Variants in N4BP2L2 observed in about 807,000 individuals in gnomAD.
N4BP2L2 encodes NEDD4 binding protein 2 like 2.
N4BP2L2 carries 50 observed loss-of-function variants against 56.2 expected under a neutral mutation model. The observed-to-expected ratio is 0.89, with a 90% CI of 0.71 to 1.13. N4BP2L2 has a LOEUF of 1.13. N4BP2L2 is among the 50% of genes most tolerant of loss of function. N4BP2L2 has a pLI of 0.00. For missense variants in N4BP2L2, 689 were observed against 693.8 expected (o/e 0.99, Z 0.08); for synonymous variants, 203 against 223.6 (o/e 0.91, Z 0.82).
At chr13:32,517,883 T>A (rs747208402) in exon 6 of N4BP2L2, 2 of 1,613,982 alleles carry the variant, frequency 1.2e-6, no homozygotes, top group South Asian at 1.1e-5. Flanking sequence ...GAGGAGGAGG[T>A]CTTTGTGTGC....
At chr13:32,513,796 A>G (rs1201084144) in exon 6 of N4BP2L2, 1 of 152,202 alleles carries the variant, frequency 6.6e-6, no homozygotes, top group African/African-American at 2.4e-5. Context: ...AGCCCTTATT[A>G]GTTATTGTAT....
intron 2 of N4BP2L2, among the ~76,000 whole-genome samples, chr13:32,533,469 C>G (rs1475494045): frequency 1.3e-5 from 2 of 151,674 alleles, no homozygotes; most frequent in Admixed American, 1.3e-4. Context: ...TGAATTCTAT[C>G]CAACTGCCTA....
At chr13:32,518,940 T>C (rs2049983715) in intron 5 of N4BP2L2, among the ~76,000 whole-genome samples, 1 of 152,228 alleles carries the variant, frequency 6.6e-6, no homozygotes, top group South Asian at 2.1e-4. Flanking sequence ...CCCTCATAGT[T>C]TTCTGTAACT....
chr13:32,511,680 A>T (rs1364412110), exon 6 of N4BP2L2: 1 of 152,206 alleles, frequency 6.6e-6, no homozygotes, highest in Non-Finnish European at 1.5e-5. Context: ...TACAGGAGGG[A>T]AAAAGATATT....
intron 6 of N4BP2L2, among the ~76,000 whole-genome samples, chr13:32,492,259 C>T (rs1219259089): frequency 1.4e-5 from 2 of 146,144 alleles, no homozygotes; most frequent in African/African-American, 5.1e-5. Context: ...TTCTACACAT[C>T]CCAAAACACC....
chr13:32,498,057 C>T (rs2089163813), intron 6 of N4BP2L2, among the ~76,000 whole-genome samples: 1 of 152,128 alleles, frequency 6.6e-6, no homozygotes, highest in African/African-American at 2.4e-5. Context: ...ATGATCTCAG[C>T]TCATTTCAAC....
At chr13:32,480,854 C>G (rs767937472) in intron 6 of N4BP2L2, among the ~76,000 whole-genome samples, 3 of 151,962 alleles carry the variant, frequency 2.0e-5, no homozygotes, top group Non-Finnish European at 4.4e-5. Flanking sequence ...CACGGTGACT[C>G]ACACCTATAA....
At chr13:32,475,417 A>C (rs926728243) in intron 6 of N4BP2L2, among the ~76,000 whole-genome samples, 1 of 152,202 alleles carries the variant, frequency 6.6e-6, no homozygotes, top group Non-Finnish European at 1.5e-5. Context: ...CTCCAAACAG[A>C]AAAAGGATTG....
chr13:32,442,830 A>G, exon 7 of N4BP2L2: 1 of 1,613,802 alleles, frequency 6.2e-7, no homozygotes, highest in Non-Finnish European at 8.5e-7. Flanking sequence ...GTCCATCAAT[A>G]TTTAAAGGGG....
At chr13:32,449,463 GA>G (rs1372195333) in intron 6 of N4BP2L2, among the ~76,000 whole-genome samples, 1 of 152,108 alleles carries the variant, frequency 6.6e-6, no homozygotes, top group Non-Finnish European at 1.5e-5. Context: ...GTTTATGCAT[GA>G]AAAAAGTTAA....
At chr13:32,521,239 G>C (rs1278799050) in intron 5 of N4BP2L2, 134 bp downstream of exon 5, 1 of 692,534 alleles carries the variant, frequency 1.4e-6, no homozygotes, top group Non-Finnish European at 2.5e-6. Context: ...CCAAAAACCA[G>C]AGAAAAAAGG....
intron 6 of N4BP2L2, among the ~76,000 whole-genome samples, chr13:32,501,757 T>C (rs1018537831): frequency 3.3e-5 from 5 of 151,754 alleles, no homozygotes; most frequent in African/African-American, 7.3e-5. Flanking sequence ...GGAGCTTGCA[T>C]TGAGCCGAGA....
At chr13:32,525,896 T>G (rs1248657737) in intron 3 of N4BP2L2, among the ~76,000 whole-genome samples, 1 of 152,040 alleles carries the variant, frequency 6.6e-6, no homozygotes, top group Non-Finnish European at 1.5e-5. Flanking sequence ...GGAAACAATT[T>G]ATTATTGGAT....
At chr13:32,495,845 A>G (rs2088467240) in intron 6 of N4BP2L2, among the ~76,000 whole-genome samples, 1 of 152,072 alleles carries the variant, frequency 6.6e-6, no homozygotes, top group African/African-American at 2.4e-5. Context: ...TACCATGCCC[A>G]GGTAATTTTT....
At position 32,522,187 on chromosome 13, in the gene N4BP2L2, C is replaced by A; in HGVS notation, c.1468G>T (p.Glu490Ter). The change falls in exon 4 of 6, where the codon GAA becomes TAA. Residue 490 changes from glutamate to a stop codon, truncating the protein, a stop_gained. Transcript: ENST00000267068. LOFTEE classifies it high-confidence loss of function. ...TTCTCATGTTTCATATTTACCACTT[C>A]CACATATGGCTTCATTTCCCAAGCT... The A allele has an allele frequency of 6.5e-7, 1 of 1,538,474 alleles. No individual in the cohort carries two copies. The highest frequency in any genetic ancestry group is 8.8e-7 in the Non-Finnish European group (1 of 1,133,960).
At chr13:32,520,898 G>T (rs1215084576) in intron 5 of N4BP2L2, among the ~76,000 whole-genome samples, 1 of 152,086 alleles carries the variant, frequency 6.6e-6, no homozygotes, top group Non-Finnish European at 1.5e-5. Context: ...ACTCAGAATT[G>T]ACTTTACATT....
intron 6 of N4BP2L2, among the ~76,000 whole-genome samples, chr13:32,465,670 T>C (rs1257437023): frequency 6.6e-6 from 1 of 152,234 alleles, no homozygotes; most frequent in East Asian, 1.9e-4. Context: ...TTGTTTCTTT[T>C]TGAGACAAAG....
intron 6 of N4BP2L2, among the ~76,000 whole-genome samples, chr13:32,472,933 A>C (rs2082593424): frequency 6.6e-6 from 1 of 152,220 alleles, no homozygotes; most frequent in Non-Finnish European, 1.5e-5. Context: ...TTGTAAGTCT[A>C]AACTGGATTT....
At chr13:32,461,380 A>C (rs968149624) in intron 6 of N4BP2L2, among the ~76,000 whole-genome samples, 8 of 152,228 alleles carry the variant, frequency 5.3e-5, no homozygotes, top group African/African-American at 1.9e-4. Context: ...CAAGGGACTA[A>C]TATACAGAAT....
Sources: gnomAD v4.1 joint callset for allele counts (sites outside exome capture counted in the v4.1 genomes callset) on GRCh38, gnomAD v4.1.1 for gene constraint, MANE v1.5 for transcripts, NCBI Gene and HGNC (gene_info 2026-07-23, HGNC 2026-07-21) for gene names.